Variants in NTRK3 observed in about 807,000 individuals in gnomAD.
NTRK3 encodes the protein NT-3 growth factor receptor.
In NTRK3, 24 loss-of-function variants were observed where a neutral mutation model predicts 91.7. That is an observed-to-expected ratio of 0.26 (90% confidence interval 0.19 to 0.37). The LOEUF is 0.37. NTRK3 is among the 10% of genes least tolerant of loss of function. The pLI is 1.00. For missense variants in NTRK3, 880 were observed against 1,068.9 expected, an observed-to-expected ratio of 0.82 and a Z score of 2.46; for synonymous variants, 483 against 404.0, an observed-to-expected ratio of 1.20 and a Z score of -2.34.
intron 17 of NTRK3, among the ~76,000 whole-genome samples, chr15:87,903,075 T>C (rs1483392198): frequency 6.6e-6 from 1 of 152,204 alleles, no homozygotes; most frequent in Non-Finnish European, 1.5e-5. Flanking sequence ...TTCAGCCGGA[T>C]GCATCTGCCT....
At chr15:88,042,745 T>TC (rs1487653910) in intron 13 of NTRK3, among the ~76,000 whole-genome samples, 1 of 152,142 alleles carries the variant, frequency 6.6e-6, no homozygotes, top group Admixed American at 6.5e-5. Context: ...TTCCCTTACC[T>TC]CCCTTAATCA....
Position 88,235,587 on chromosome 15 carries a change from G to A in NTRK3, c.248+20319C>T, listed in dbSNP as rs1016029227. Among the ~76,000 whole-genome samples, 1 of 152,176 alleles carries A rather than the reference G, an allele frequency of 6.6e-6. No individual in the cohort carries two copies. Among genetic ancestry groups the A allele is most frequent in the Non-Finnish European group, 1.5e-5 (1 of 68,030 alleles). On this transcript the variant is annotated intron_variant, in intron 3 of 18. Transcript: ENST00000394480. This position sits in a 1 kb window ranked among gnomAD's most constrained non-coding sequence, Gnocchi z 5.2. ...GAGGAGCAGCACAACTGGGGTGGATGGAGAACCCCAAGGAAACGACCCAGC... is the reference window on the plus strand; with the variant it reads ...GAGGAGCAGCACAACTGGGGTGGATAGAGAACCCCAAGGAAACGACCCAGC...
chr15:88,237,676 A>C lies in NTRK3; in HGVS notation c.248+18230T>G, dbSNP rs1384859341. On this transcript the variant is annotated intron_variant, in intron 3 of 18. Coordinates refer to ENST00000394480, the Ensembl canonical transcript of NTRK3. This position sits in a 1 kb window ranked among gnomAD's most constrained non-coding sequence, Gnocchi z 4.0. ...CCTTTATCCACCTCTATTCCACCTA[A>C]GACCGTGCAACTTCTTCCACAGGGC... Among the ~76,000 whole-genome samples, 2 of 152,100 alleles carry C rather than the reference A, an allele frequency of 1.3e-5. No individual in the cohort carries two copies.
chr15:88,212,625 G>A (rs1053202095), intron 3 of NTRK3, among the ~76,000 whole-genome samples: 1 of 151,548 alleles, frequency 6.6e-6, no homozygotes, highest in Non-Finnish European at 1.5e-5. Flanking sequence ...GCTGACCTCT[G>A]ACCCTCCCTT....
exon 19 of NTRK3, chr15:87,874,248 A>AGACTCTGTATAGAC: frequency 1.3e-5 from 3 of 224,204 alleles, no homozygotes; most frequent in Admixed American, 5.8e-5. Flanking sequence ...ATATCAAAGT[A>AGACTCTGTATAGAC]ATATATCTTC....
chr15:88,148,446 C>T (rs2043079966), intron 5 of NTRK3, among the ~76,000 whole-genome samples: 2 of 152,082 alleles, frequency 1.3e-5, no homozygotes, highest in Non-Finnish European at 1.5e-5. Flanking sequence ...GTGCGGAGGG[C>T]TCAGAGAGAG....
chr15:87,917,213 C>A (rs996346592), intron 17 of NTRK3, among the ~76,000 whole-genome samples: 1 of 152,186 alleles, frequency 6.6e-6, no homozygotes, highest in African/African-American at 2.4e-5. Flanking sequence ...CTAGACACAA[C>A]TGAGAACTTC....
At chr15:88,199,578 T>A (rs991889957) in intron 3 of NTRK3, among the ~76,000 whole-genome samples, 3 of 152,116 alleles carry the variant, frequency 2.0e-5, no homozygotes, top group Non-Finnish European at 4.4e-5. Flanking sequence ...AGGAGTCCCA[T>A]AGTGGGGCAG....
chr15:87,970,058 C>T (rs909420667), intron 14 of NTRK3, among the ~76,000 whole-genome samples: 2 of 152,266 alleles, frequency 1.3e-5, no homozygotes, highest in Non-Finnish European at 2.9e-5. Context: ...GGGCATCTGT[C>T]CAGGCAGGGT....
At position 87,988,599 on chromosome 15, in the gene NTRK3, G is replaced by C. The variant is rs1175101457; in HGVS notation, c.1585+44258C>G. On this transcript the variant is annotated intron_variant, in intron 14 of 18. Transcript: ENST00000394480. ...TAAAATAAAAAGCTGATTTAAAATAGAAAGTTATACTTTAAATTTTCATTC... is the reference window on the plus strand; with the variant it reads ...TAAAATAAAAAGCTGATTTAAAATACAAAGTTATACTTTAAATTTTCATTC... Among the ~76,000 whole-genome samples, 7 of 152,294 alleles carry C rather than the reference G, an allele frequency of 4.6e-5. No homozygotes were observed. The South Asian group carries it at 1.2e-3, about 27-fold the overall frequency.
At chr15:87,859,948 A>G in exon 19 of NTRK3, 1 of 188,708 alleles carries the variant, frequency 5.3e-6, no homozygotes, top group Non-Finnish European at 1.1e-5. Context: ...GAAGATGGAT[A>G]TATACATATA....
chr15:88,238,590 G>T (rs769578670), intron 3 of NTRK3, among the ~76,000 whole-genome samples: 3 of 152,182 alleles, frequency 2.0e-5, no homozygotes, highest in African/African-American at 7.2e-5. Context: ...TTATCTTTCT[G>T]TCTATAAACA....
intron 17 of NTRK3, among the ~76,000 whole-genome samples, chr15:87,926,294 T>C (rs976725147): frequency 6.6e-6 from 1 of 152,194 alleles, no homozygotes. Flanking sequence ...ATTAGGACAC[T>C]GTGAGTAAGT....
chr15:87,949,002 T>C (rs1052317624), intron 14 of NTRK3, among the ~76,000 whole-genome samples: 2 of 152,120 alleles, frequency 1.3e-5, no homozygotes, highest in African/African-American at 4.8e-5. Context: ...TCAAAAGGCA[T>C]GTGTTGCTCA....
intron 14 of NTRK3, among the ~76,000 whole-genome samples, chr15:88,018,690 T>C (rs2077406130): frequency 6.6e-6 from 1 of 152,150 alleles, no homozygotes; most frequent in Non-Finnish European, 1.5e-5. Context: ...TCCCTGTGCC[T>C]CAGTTTCCTC....
intron 14 of NTRK3, among the ~76,000 whole-genome samples, chr15:87,949,993 G>C (rs1418197248): frequency 6.6e-6 from 1 of 152,040 alleles, no homozygotes; most frequent in East Asian, 1.9e-4. Flanking sequence ...CCCATATGAG[G>C]GTCACATCCC....
At chr15:87,982,171 T>C (rs1484963311) in intron 14 of NTRK3, among the ~76,000 whole-genome samples, 1 of 152,098 alleles carries the variant, frequency 6.6e-6, no homozygotes, top group Non-Finnish European at 1.5e-5. Flanking sequence ...CTGAAGTTTG[T>C]TTTCTCTGGA....
intron 14 of NTRK3, among the ~76,000 whole-genome samples, chr15:87,944,768 C>A (rs1334030436): frequency 6.6e-6 from 1 of 152,232 alleles, no homozygotes. Context: ...CCTTACAGAA[C>A]AGACAAAGCC....
chr15:87,965,619 G>A (rs2072720640), intron 14 of NTRK3, among the ~76,000 whole-genome samples: 1 of 152,206 alleles, frequency 6.6e-6, no homozygotes, highest in African/African-American at 2.4e-5. Flanking sequence ...GGACCGTGGT[G>A]TTTATTCACC....
Sources: gnomAD v4.1 joint callset for allele counts (sites outside exome capture counted in the v4.1 genomes callset) on GRCh38, gnomAD v4.1.1 for gene constraint, Gnocchi (gnomAD v3.1) non-coding constraint, MANE v1.5 for transcripts, NCBI Gene and HGNC (gene_info 2026-07-23, HGNC 2026-07-21) for gene names.